Variants in POLD3 observed in about 807,000 individuals in gnomAD.
POLD3 encodes DNA polymerase delta subunit 3.
POLD3 carries 19 observed loss-of-function variants against 58.2 expected under a neutral mutation model. The observed-to-expected ratio is 0.33, with a 90% CI of 0.23 to 0.48. The LOEUF (loss-of-function observed/expected upper bound fraction) is 0.48. Among genes scored for constraint, POLD3 ranks in the 20% least tolerant of loss-of-function variants. The pLI, the probability that POLD3 is intolerant of heterozygous loss-of-function variation, is 0.99. For synonymous variants in POLD3, 172 were observed against 193.5 expected (o/e 0.89, Z 0.92); for missense variants, 504 against 545.5 (o/e 0.92, Z 0.76).
intron 8 of POLD3, among the ~76,000 whole-genome samples, chr11:74,627,217 T>G (rs1431780184): frequency 6.6e-6 from 1 of 152,166 alleles, no homozygotes; most frequent in African/African-American, 2.4e-5. Flanking sequence ...ACAATGATCA[T>G]TGATGATCCT....
At chr11:74,611,650 A>G in intron 4 of POLD3, 112 bp downstream of exon 4, 1 of 640,502 alleles carries the variant, frequency 1.6e-6, no homozygotes, top group South Asian at 1.8e-5. Context: ...TTAACTGAAT[A>G]GCCCAATATT....
In POLD3 at chr11:74,641,414, C is replaced by A. The variant is rs2032909600; in HGVS notation, c.*648C>A. 4 of 985,302 alleles carry A rather than the reference C, an allele frequency of 4.1e-6. No individual in the cohort carries two copies. The highest frequency in any genetic ancestry group is 4.8e-6 in the Non-Finnish European group (4 of 829,950). 61.0% of individuals were successfully genotyped at this position (985,302 alleles called of 1,614,324 possible). A position where few individuals can be genotyped will look rare whatever the true frequency, so the allele number is the denominator to read the frequency against. On this transcript the variant is annotated 3_prime_UTR_variant, in exon 12 of 12. Transcript: ENST00000263681. ...TCCTTTCACAAAAGCTCTCTGGGACCTTCACTTGCAATTAGTGGTTAGGGA... is the reference window on the plus strand; with the variant it reads ...TCCTTTCACAAAAGCTCTCTGGGACATTCACTTGCAATTAGTGGTTAGGGA...
In POLD3 at chr11:74,625,533, A is replaced by G; in HGVS notation, c.859A>G (p.Lys287Glu). The G allele has an allele frequency of 1.2e-6, 2 of 1,613,814 alleles. No homozygotes were observed. Among genetic ancestry groups the G allele is most frequent in the Non-Finnish European group, 1.7e-6 (2 of 1,179,884 alleles). ...TPAGLKKSSK[K>E]AEPVKVLQKE... ...TGCAGGCCTGAAAAAATCCAGCAAAAAAGCAGAGCCTGTTAAGGTGCTGCA... is the reference window on the plus strand; with the variant it reads ...TGCAGGCCTGAAAAAATCCAGCAAAGAAGCAGAGCCTGTTAAGGTGCTGCA... The change falls in exon 8 of 12, where the codon AAA becomes GAA. Residue 287 changes from lysine to glutamate, a missense_variant. Physicochemically the swap from Lys to Glu is moderately conservative, Grantham distance 56. Coordinates refer to ENST00000263681, the MANE Select transcript of POLD3 (RefSeq NM_006591.3).
At chr11:74,611,695 A>G (rs1039903087) in intron 4 of POLD3, among the ~76,000 whole-genome samples, 157 bp downstream of exon 4, 4 of 152,242 alleles carry the variant, frequency 2.6e-5, no homozygotes, top group Non-Finnish European at 4.4e-5. Flanking sequence ...ATGTTAAAAT[A>G]TGATACTACA....
intron 11 of POLD3, 52 bp downstream of exon 11, chr11:74,636,327 AG>A (rs2032750622): frequency 6.3e-7 from 1 of 1,578,620 alleles, no homozygotes; most frequent in Admixed American, 1.7e-5. Flanking sequence ...TTATTACCAC[AG>A]AGGCACCATA....
rs548355141 is a variant in POLD3 at position 74,613,156 on chromosome 11, C to T, written c.392+146C>T. On this transcript the variant is annotated intron_variant, in intron 5 of 11. Transcript: ENST00000263681. ...AGAAACATGCCTGGTTTTATTAGTA[C>T]ATCATAAGGTGAAAAATAGCAGCCA... The T allele has an allele frequency of 1.2e-5, 9 of 722,450 alleles. No homozygotes were observed. The South Asian group carries it at 1.7e-4, about 14-fold the overall frequency. The allele number at this position is 722,450 out of a possible 1,614,324, so 44.8% of individuals were successfully genotyped here.
intron 7 of POLD3, among the ~76,000 whole-genome samples, chr11:74,624,228 A>G (rs2032359093): frequency 6.6e-6 from 1 of 152,184 alleles, no homozygotes. Context: ...CTGGAGATGC[A>G]TGTTTACTCT....
chr11:74,639,632 G>A lies in POLD3; in HGVS notation c.1199-932G>A, dbSNP rs147594961. ...ATGCTGTTTCTTGTGGTTGGTATAT[G>A]TGTTGCAGTAGTGTAGATCCTCCTC... On this transcript the variant is annotated intron_variant, in intron 11 of 11. Transcript: ENST00000263681. Among the ~76,000 whole-genome samples the A allele has an allele frequency of 2.8e-3, 429 of 152,340 alleles. 3 individuals carry two copies. The highest frequency in any genetic ancestry group is 9.7e-3 in the African/African-American group (404 of 41,578).
At position 74,641,363 on chromosome 11, in the gene POLD3, A is replaced by G. The variant is rs182220735; in HGVS notation, c.*597A>G. ...ATGCAGTACACGGACACCTGGCTACAGACCAGGACGTGGCTTGTGTTCTGT... is the reference window on the plus strand; with the variant it reads ...ATGCAGTACACGGACACCTGGCTACGGACCAGGACGTGGCTTGTGTTCTGT... On this transcript the variant is annotated 3_prime_UTR_variant, in exon 12 of 12. Coordinates refer to ENST00000263681, the MANE Select transcript of POLD3 (RefSeq NM_006591.3). The G allele has an allele frequency of 2.6e-3, 2,592 of 985,452 alleles. 5 individuals are homozygous for G. The highest frequency in any genetic ancestry group is 3.0e-3 in the Admixed American group (49 of 16,292). The allele number at this position is 985,452 out of a possible 1,614,324, so 61.0% of individuals were successfully genotyped here.
intron 5 of POLD3, among the ~76,000 whole-genome samples, chr11:74,618,011 G>C (rs1018119156): frequency 1.3e-5 from 2 of 152,166 alleles, no homozygotes; most frequent in Admixed American, 6.6e-5. Flanking sequence ...GAGCCAATGC[G>C]CCCAACCCTA....
At chr11:74,657,239 CTG>C (rs997581305) in intron 4 of POLD3, among the ~76,000 whole-genome samples, 5 of 151,790 alleles carry the variant, frequency 3.3e-5, no homozygotes, top group African/African-American at 1.2e-4. Flanking sequence ...TTCAGCCACT[CTG>C]TGTCTTTTGA....
rs138265494 is a variant in POLD3 at position 74,606,552 on chromosome 11, T to C, written c.219+1758T>C. 1.6e-3 allele frequency among the ~76,000 whole-genome samples: 250 copies of C among 152,302 alleles called. 2 individuals are homozygous for C. Among genetic ancestry groups the C allele is most frequent in the African/African-American group, 5.7e-3 (237 of 41,580 alleles). ...AATGCATATGTTGACATTCATAAAATTTTGAGTTCATGGATCTTCTGGAAT... is the reference window on the plus strand; with the variant it reads ...AATGCATATGTTGACATTCATAAAACTTTGAGTTCATGGATCTTCTGGAAT... On this transcript the variant is annotated intron_variant, in intron 3 of 11. Coordinates refer to ENST00000263681, the MANE Select transcript of POLD3 (RefSeq NM_006591.3).
intron 3 of POLD3, among the ~76,000 whole-genome samples, chr11:74,605,183 A>G (rs2031633524): frequency 6.6e-6 from 1 of 152,226 alleles, no homozygotes; most frequent in African/African-American, 2.4e-5. Flanking sequence ...AATTTTGAAC[A>G]TTCATTTGGG....
chr11:74,659,515 T>A, intron 4 of POLD3, among the ~76,000 whole-genome samples: 1 of 152,202 alleles, frequency 6.6e-6, no homozygotes. Flanking sequence ...AGGCTGCAAA[T>A]TTTCCAAAGT....
intron 8 of POLD3, among the ~76,000 whole-genome samples, chr11:74,627,852 A>G (rs549957279): frequency 6.6e-6 from 1 of 152,278 alleles, no homozygotes; most frequent in East Asian, 1.9e-4. Context: ...GTCACCTAAC[A>G]ATGCATTTCT....
At chr11:74,610,789 T>G (rs1452361599) in intron 3 of POLD3, among the ~76,000 whole-genome samples, 1 of 152,164 alleles carries the variant, frequency 6.6e-6, no homozygotes, top group Non-Finnish European at 1.5e-5. Context: ...CTTCTCTTTT[T>G]TTTGAGACCA....
chr11:74,633,889 T>C (rs2032669176), intron 9 of POLD3, among the ~76,000 whole-genome samples: 1 of 152,224 alleles, frequency 6.6e-6, no homozygotes, highest in Non-Finnish European at 1.5e-5. Context: ...TAAATAATGA[T>C]AATTGTTTAA....
rs75920224 is a variant in POLD3, at chr11:74,618,491, G to A, written c.393-46G>A. The A allele has an allele frequency of 2.8e-6, 4 of 1,444,986 alleles. No individual in the cohort carries two copies. In the East Asian group the frequency reaches 9.3e-5, roughly 34 times the overall value. 89.5% of individuals were successfully genotyped at this position (1,444,986 alleles called of 1,614,324 possible). ...TTTCTTTTTTTGTTGAACCACCCAAGAATGCATATGCTGACATTAACTTAA... is the reference window on the plus strand; with the variant it reads ...TTTCTTTTTTTGTTGAACCACCCAAAAATGCATATGCTGACATTAACTTAA... On this transcript the variant is annotated intron_variant, in intron 5 of 11. Coordinates refer to ENST00000263681, the MANE Select transcript of POLD3 (RefSeq NM_006591.3).
intron 11 of POLD3, among the ~76,000 whole-genome samples, chr11:74,637,443 T>A (rs1435714511): frequency 6.7e-6 from 1 of 150,204 alleles, no homozygotes; most frequent in Non-Finnish European, 1.5e-5. Flanking sequence ...TCCTTTTTTT[T>A]TTTTTTTTGG....
Sources: allele counts gnomAD v4.1 joint callset (sites outside exome capture counted in the v4.1 genomes callset), GRCh38; gene constraint gnomAD v4.1.1; transcripts MANE v1.5; gene names NCBI Gene and HGNC (gene_info 2026-07-23, HGNC 2026-07-21).